Variants in PTPRU observed in about 807,000 individuals in gnomAD.
PTPRU encodes the protein receptor-type tyrosine-protein phosphatase U.
A neutral mutation model predicts 166.3 loss-of-function variants in PTPRU; 69 were observed. The observed-to-expected ratio is 0.41, with a 90% CI of 0.34 to 0.51. The LOEUF is 0.51. Ranked by LOEUF, PTPRU falls within the 20% of genes least tolerant of loss-of-function variation. The pLI, the probability that PTPRU is intolerant of heterozygous loss-of-function variation, is 0.09. For missense variants in PTPRU, 1,657 were observed against 2,013.7 expected (o/e 0.82, Z 3.39); for synonymous variants, 793 against 814.0 (o/e 0.97, Z 0.44).
At chr1:29,265,948 G>A (rs1685279701) in intron 7 of PTPRU, among the ~76,000 whole-genome samples, 1 of 149,764 alleles carries the variant, frequency 6.7e-6, no homozygotes, top group South Asian at 2.1e-4. Context: ...TATGAATTGT[G>A]GTTTTGGTAT....
intron 1 of PTPRU, among the ~76,000 whole-genome samples, chr1:29,244,491 G>A (rs1447803124): frequency 6.6e-6 from 1 of 152,154 alleles, no homozygotes; most frequent in Non-Finnish European, 1.5e-5. Flanking sequence ...TAGGACAGGT[G>A]AGTCTCAGCT....
chr1:29,318,598 G>A (rs1208325972), intron 25 of PTPRU, among the ~76,000 whole-genome samples: 4 of 152,220 alleles, frequency 2.6e-5, no homozygotes, highest in Non-Finnish European at 4.4e-5. Context: ...AGACACACGG[G>A]TGGAGATCAT....
At chr1:29,300,932 G>T (rs1022253167) in intron 15 of PTPRU, among the ~76,000 whole-genome samples, 18 of 152,182 alleles carry the variant, frequency 1.2e-4, no homozygotes, top group African/African-American at 3.1e-4. Flanking sequence ...CACCGGAGAG[G>T]GTTCTTGCCG....
chr1:29,260,986 G>A lies in PTPRU; in HGVS notation c.1144+83G>A. 1 of 1,391,462 alleles carries A rather than the reference G, an allele frequency of 7.2e-7. No individual in the cohort carries two copies. The highest frequency in any genetic ancestry group is 1.5e-5 in the African/African-American group (1 of 67,602). 86.2% of individuals were successfully genotyped at this position (1,391,462 alleles called of 1,614,324 possible). ...GCGCATTCGAGAGGTAGCGTGGCCT[G>A]TGCTTGTAAACCTTTCTAAAACATT... On this transcript the variant is annotated intron_variant, in intron 7 of 29. Coordinates refer to ENST00000373779, the MANE Select transcript of PTPRU (RefSeq NM_133178.4). This position sits in a 1 kb window ranked among gnomAD's most constrained non-coding sequence, Gnocchi z 8.3.
chr1:29,288,836 G>T, intron 14 of PTPRU, among the ~76,000 whole-genome samples: 1 of 152,154 alleles, frequency 6.6e-6, no homozygotes, highest in South Asian at 2.1e-4. Context: ...GGTAGCCCAT[G>T]CTCCCTGACT....
chr1:29,261,394 C>T (rs1685060956), intron 7 of PTPRU, among the ~76,000 whole-genome samples: 1 of 152,208 alleles, frequency 6.6e-6, no homozygotes, highest in African/African-American at 2.4e-5. Flanking sequence ...CTGAGGTCTG[C>T]TCTTCCTTGT....
intron 14 of PTPRU, among the ~76,000 whole-genome samples, chr1:29,285,409 G>C (rs898261824): frequency 1.3e-5 from 2 of 152,144 alleles, no homozygotes; most frequent in Non-Finnish European, 2.9e-5. Context: ...CTGGGCCTGT[G>C]ACTGATAAAC....
intron 2 of PTPRU, 46 bp from the exon 3 acceptor site, chr1:29,258,459 C>T (rs1250945200): frequency 1.3e-6 from 2 of 1,586,632 alleles, no homozygotes; most frequent in Non-Finnish European, 1.7e-6. Flanking sequence ...CCCTGTCCCT[C>T]CCCTGAGGTC....
chr1:29,254,013 T>G (rs1053249671), intron 1 of PTPRU, among the ~76,000 whole-genome samples: 2 of 152,198 alleles, frequency 1.3e-5, no homozygotes, highest in Admixed American at 6.5e-5. Context: ...ATCCCAAGTC[T>G]GTGATGCCAA....
intron 8 of PTPRU, among the ~76,000 whole-genome samples, chr1:29,276,705 T>A (rs1685822604): frequency 6.6e-6 from 1 of 152,238 alleles, no homozygotes; most frequent in Non-Finnish European, 1.5e-5. Context: ...TTCTGTTTTC[T>A]TTTTTCTTGT....
chr1:29,244,096 G>A (rs1432918454), intron 1 of PTPRU, among the ~76,000 whole-genome samples: 1 of 152,140 alleles, frequency 6.6e-6, no homozygotes, highest in Non-Finnish European at 1.5e-5. Flanking sequence ...CAGAAGCTGG[G>A]GAGAAAGATT....
At chr1:29,252,316 G>A (rs1053983948) in intron 1 of PTPRU, among the ~76,000 whole-genome samples, 4 of 143,494 alleles carry the variant, frequency 2.8e-5, no homozygotes, top group Non-Finnish European at 6.0e-5. Context: ...CACCCTGGCT[G>A]GAGTGCAGGG....
At chr1:29,281,119 G>A (rs570836683) in intron 11 of PTPRU, among the ~76,000 whole-genome samples, 6 of 152,102 alleles carry the variant, frequency 3.9e-5, no homozygotes, top group Admixed American at 1.3e-4. Context: ...CCTTTAGGTG[G>A]GGGGGGTGTG....
At chr1:29,249,088 G>C (rs1446247830) in intron 1 of PTPRU, among the ~76,000 whole-genome samples, 1 of 152,154 alleles carries the variant, frequency 6.6e-6, no homozygotes, top group Admixed American at 6.5e-5. Context: ...CCGGTCTTCC[G>C]CCTCCCATTT....
chr1:29,285,630 C>T (rs981204960), intron 14 of PTPRU, among the ~76,000 whole-genome samples: 26 of 152,212 alleles, frequency 1.7e-4, no homozygotes, highest in Non-Finnish European at 2.9e-4. Flanking sequence ...AGCCCCAGAA[C>T]GTAAGAGCTG....
rs1057281530 is a variant in PTPRU, at chr1:29,317,112, G to C, written c.3514-636G>C. Among the ~76,000 whole-genome samples the C allele has an allele frequency of 3.9e-5, 6 of 152,148 alleles. No individual in the cohort carries two copies. Among genetic ancestry groups the C allele is most frequent in the Non-Finnish European group, 7.3e-5 (5 of 68,030 alleles). On this transcript the variant is annotated intron_variant, in intron 24 of 29. Transcript: ENST00000373779. This position sits in a 1 kb window ranked among gnomAD's most constrained non-coding sequence, Gnocchi z 5.6. ...GGATCATGATAGACTGTGGTTCCCT[G>C]TGAGGGATCTCCAAGAACAAGAGAA...
At chr1:29,266,965 C>A (rs969825933) in intron 7 of PTPRU, among the ~76,000 whole-genome samples, 11 of 152,104 alleles carry the variant, frequency 7.2e-5, no homozygotes, top group Non-Finnish European at 1.5e-5. Flanking sequence ...TGGGTTATAC[C>A]TTTTATCCCA....
intron 1 of PTPRU, 52 bp from the exon 2 acceptor site, chr1:29,255,223 C>G (rs1173585656): frequency 6.3e-7 from 1 of 1,585,188 alleles, no homozygotes; most frequent in African/African-American, 1.3e-5. Flanking sequence ...CAGGAGCCCT[C>G]CTGGCCAGCA....
At chr1:29,297,014 T>A (rs1686914621) in intron 15 of PTPRU, among the ~76,000 whole-genome samples, 1 of 151,894 alleles carries the variant, frequency 6.6e-6, no homozygotes, top group African/African-American at 2.4e-5. Flanking sequence ...CTTATTAAAT[T>A]TTCACCATTT....
Sources: gnomAD v4.1 joint callset for allele counts (sites outside exome capture counted in the v4.1 genomes callset) on GRCh38, gnomAD v4.1.1 for gene constraint, Gnocchi (gnomAD v3.1) non-coding constraint, MANE v1.5 for transcripts, NCBI Gene and HGNC (gene_info 2026-07-23, HGNC 2026-07-21) for gene names.